The following WDR64 variants were observed in gnomAD, a reference collection of about 807,000 sequenced individuals.
WDR64 encodes the protein WD repeat domain 64, also known as WD repeat-containing protein 64.
WDR64 carries 112 observed loss-of-function variants against 139.3 expected under a neutral mutation model. That is an observed-to-expected ratio of 0.80 (90% CI 0.69 to 0.94). The LOEUF is 0.94. Among genes scored for constraint, WDR64 ranks in the 40% least tolerant of loss-of-function variants. The pLI is 0.00. For synonymous variants in WDR64, 444 were observed against 437.7 expected, an observed-to-expected ratio of 1.01 and a Z score of -0.18; for missense variants, 1,206 against 1,293.1, an observed-to-expected ratio of 0.93 and a Z score of 1.03.
intron 1 of WDR64, among the ~76,000 whole-genome samples, chr1:241,654,061 T>C (rs1665481510): frequency 6.6e-6 from 1 of 152,226 alleles, no homozygotes; most frequent in African/African-American, 2.4e-5. Context: ...CCAAGTTTTC[T>C]ACGTCATAAA....
At chr1:241,654,738 T>C (rs566978174) in intron 1 of WDR64, among the ~76,000 whole-genome samples, 5 of 152,316 alleles carry the variant, frequency 3.3e-5, no homozygotes, top group Non-Finnish European at 7.4e-5. Flanking sequence ...TTCAAAACTT[T>C]TTGAGAGCTG....
At chr1:241,790,802 A>C (rs1416460114) in intron 25 of WDR64, 106 bp downstream of exon 25, 1 of 816,234 alleles carries the variant, frequency 1.2e-6, no homozygotes, top group African/African-American at 1.7e-5. Flanking sequence ...TTAATTTTTT[A>C]TTGATGGTAT....
intron 5 of WDR64, among the ~76,000 whole-genome samples, chr1:241,679,221 CA>C (rs1666677239): frequency 6.6e-6 from 1 of 152,158 alleles, no homozygotes; most frequent in Non-Finnish European, 1.5e-5. Context: ...GATGCTCCAC[CA>C]ACTGCTGTGT....
intron 15 of WDR64, among the ~76,000 whole-genome samples, chr1:241,758,564 G>T (rs115919447): frequency 0.013 from 2,005 of 152,142 alleles, 25 homozygotes; most frequent in Middle Eastern, 0.024. Context: ...TCCAAAGGTG[G>T]TCTGTGAATT....
chr1:241,796,571 C>T (rs1659371206), intron 27 of WDR64, among the ~76,000 whole-genome samples: 1 of 151,846 alleles, frequency 6.6e-6, no homozygotes, highest in African/African-American at 2.4e-5. Flanking sequence ...CAGCTCACTG[C>T]AACCTCCGCC....
chr1:241,675,499 G>A (rs1198603945), intron 4 of WDR64, among the ~76,000 whole-genome samples: 1 of 152,144 alleles, frequency 6.6e-6, no homozygotes, highest in Admixed American at 6.5e-5. Flanking sequence ...TCCTCAGGGT[G>A]TCATATGGAA....
intron 27 of WDR64, among the ~76,000 whole-genome samples, chr1:241,797,505 C>T (rs992549316): frequency 2.6e-5 from 4 of 152,094 alleles, no homozygotes; most frequent in African/African-American, 7.2e-5. Flanking sequence ...AAGGAGTTGG[C>T]GTTTATTGAT....
At position 241,780,039 on chromosome 1, in the gene WDR64, C is replaced by T; in HGVS notation, c.2572C>T (p.Leu858=). The T allele has an allele frequency of 6.3e-7, 1 of 1,587,004 alleles. No homozygotes were observed. The highest frequency in any genetic ancestry group is 8.5e-7 in the Non-Finnish European group (1 of 1,172,802). The change falls in exon 22 of 28, where the codon CTG becomes TTG. Residue 858 remains leucine (L), a synonymous_variant. Transcript: ENST00000437684. ...HVILCNISSF[L]DPPHDEKKFK... ...TATCCTTTGCAATATTAGCTCTTTC[C>T]TGGATCCACCTCATGATGAAAAGGT...
intron 8 of WDR64, among the ~76,000 whole-genome samples, chr1:241,693,000 G>T (rs1485833946): frequency 6.6e-6 from 1 of 152,144 alleles, no homozygotes; most frequent in Non-Finnish European, 1.5e-5. Context: ...AATTCCGCTT[G>T]ACCGTTTCTT....
At chr1:241,749,799 C>A in intron 14 of WDR64, 77 bp downstream of exon 14, 1 of 1,458,046 alleles carries the variant, frequency 6.9e-7, no homozygotes, top group Admixed American at 1.8e-5. Context: ...ATAATCCCCA[C>A]CATGTAACCC....
chr1:241,790,475 T>G, intron 24 of WDR64, 116 bp from the exon 25 acceptor site: 1 of 797,140 alleles, frequency 1.3e-6, no homozygotes, highest in Non-Finnish European at 2.0e-6. Flanking sequence ...TCATTGGGAC[T>G]GATGCCATAG....
rs1006349204 is a variant in WDR64, at chr1:241,744,300, A to T, written c.1471-93A>T. ...AAATGTGTTAGATGTACAGAGTTCC[A>T]TTTTTGAGGCTGTTTTGAATATGGT... On this transcript the variant is annotated intron_variant, in intron 12 of 27. Coordinates refer to ENST00000437684, the MANE Select transcript of WDR64 (RefSeq NM_001367482.1). 8 of 1,516,998 alleles carry T rather than the reference A, an allele frequency of 5.3e-6. No individual in the cohort carries two copies. In the East Asian group the frequency reaches 1.8e-4, roughly 34 times the overall value. 94.0% of individuals were successfully genotyped at this position (1,516,998 alleles called of 1,614,324 possible).
At position 241,757,358 on chromosome 1, in the gene WDR64, C is replaced by T. The variant is rs147782744; in HGVS notation, c.1846C>T (p.His616Tyr). Reference sequence around the variant, plus strand: ...TGTGCCTTTCCTACAAGATGGGAAACATGCTGTGCATCTGAGAATGTCTAC... The same window carrying T: ...TGTGCCTTTCCTACAAGATGGGAAATATGCTGTGCATCTGAGAATGTCTAC... ...DVVPFLQDGK[H>Y]AVHLRMSTRD... is the part of the protein sequence containing the mutation. The change falls in exon 15 of 28, where the codon CAT (histidine) becomes TAT (tyrosine). Residue 616 changes from histidine (H) to tyrosine (Y), a missense_variant. His to Tyr is a moderately conservative substitution (Grantham distance 83). Coordinates refer to ENST00000437684, the MANE Select transcript of WDR64 (RefSeq NM_001367482.1). 1.9e-4 allele frequency: 314 copies of T among 1,613,902 alleles called. 2 individuals carry two copies. Among genetic ancestry groups the T allele is most frequent in the Non-Finnish European group, 2.1e-4 (246 of 1,179,978 alleles).
chr1:241,691,974 T>C lies in WDR64; in HGVS notation c.974+4379T>C, dbSNP rs185159958. ...GTTGCCGTAAGCCGAGATTGTGCCA[T>C]TGCATTCCAGCCTGGGCAACAGAGC... is the stretch of plus-strand genomic sequence containing the variant. On this transcript the variant is annotated intron_variant, in intron 8 of 27. Coordinates refer to ENST00000437684, the MANE Select transcript of WDR64 (RefSeq NM_001367482.1). Among the ~76,000 whole-genome samples the C allele has an allele frequency of 4.1e-3, 613 of 150,996 alleles. 5 individuals are homozygous for C. Among genetic ancestry groups the C allele is most frequent in the African/African-American group, 0.014 (584 of 41,088 alleles).
At chr1:241,753,101 A>G (rs1670040122) in intron 14 of WDR64, among the ~76,000 whole-genome samples, 1 of 152,190 alleles carries the variant, frequency 6.6e-6, no homozygotes, top group Admixed American at 6.5e-5. Flanking sequence ...GCAACACCTA[A>G]AATCAAAGCT....
rs766445874 is a variant in WDR64 at position 241,744,440 on chromosome 1, T to C, written c.1518T>C (p.Pro506=). ...TCCAAGTATACCAGATTTTAGAACC[T>C]CATGGTTTCAATACTGAAGTGACTT... ...TGLQVYQILE[P]HGFNTEVTSA... is the part of the protein sequence containing the mutation. Residue 506 remains proline, a synonymous_variant, in exon 13 of 28, where the codon CCT becomes CCC. Coordinates refer to ENST00000437684, the MANE Select transcript of WDR64 (RefSeq NM_001367482.1). The C allele has an allele frequency of 2.5e-6, 4 of 1,614,014 alleles. No homozygotes were observed. The African/African-American group carries it at 5.3e-5, about 22-fold the overall frequency.
At chr1:241,735,355 TG>T (rs1169961138) in intron 10 of WDR64, among the ~76,000 whole-genome samples, 1 of 152,164 alleles carries the variant, frequency 6.6e-6, no homozygotes, top group East Asian at 1.9e-4. Flanking sequence ...GTTGTTGCTT[TG>T]GTTGAACGGA....
chr1:241,739,266 G>A (rs1669445016), intron 11 of WDR64, among the ~76,000 whole-genome samples: 1 of 152,268 alleles, frequency 6.6e-6, no homozygotes, highest in East Asian at 1.9e-4. Context: ...TAGGCTTCAG[G>A]ATAAAAATGC....
chr1:241,657,859 T>G (rs537946856), intron 1 of WDR64, among the ~76,000 whole-genome samples: 1 of 152,342 alleles, frequency 6.6e-6, no homozygotes, highest in South Asian at 2.1e-4. Context: ...AAACACACCT[T>G]TAGCCACCAT....
Sources: allele counts gnomAD v4.1 joint callset (sites outside exome capture counted in the v4.1 genomes callset), GRCh38; gene constraint gnomAD v4.1.1; transcripts MANE v1.5; gene names NCBI Gene and HGNC (gene_info 2026-07-23, HGNC 2026-07-21).